PKP4: variants seen among roughly 807,000 people sequenced by gnomAD.
PKP4 encodes the protein plakophilin 4, also known as plakophilin-4.
Under a neutral mutation model 145.1 loss-of-function variants are expected in PKP4, and 90 were observed. The ratio of observed to expected loss-of-function variants is 0.62; its 90% CI spans 0.52 to 0.74. The LOEUF is 0.74. Among genes scored for constraint, PKP4 ranks in the 30% least tolerant of loss-of-function variants. The pLI is 0.00. For missense variants in PKP4, 1,340 were observed against 1,482.7 expected (o/e 0.90, Z 1.58); for synonymous variants, 563 against 577.2 (o/e 0.98, Z 0.35).
At chr2:158,622,960 A>G (rs760400401) in intron 6 of PKP4, among the ~76,000 whole-genome samples, 5 of 152,142 alleles carry the variant, frequency 3.3e-5, no homozygotes, top group Non-Finnish European at 7.4e-5. Flanking sequence ...GATCATGTAA[A>G]CACTTTTTTC....
intron 2 of PKP4, among the ~76,000 whole-genome samples, chr2:158,564,242 A>G (rs932979819): frequency 6.6e-6 from 1 of 152,044 alleles, no homozygotes; most frequent in Non-Finnish European, 1.5e-5. Context: ...AAACAAACCT[A>G]TGTAGGCTTT....
chr2:158,582,651 G>A (rs539287982), intron 3 of PKP4, among the ~76,000 whole-genome samples: 4 of 152,258 alleles, frequency 2.6e-5, no homozygotes, highest in Admixed American at 6.5e-5. Context: ...GGTTTCTCCC[G>A]TGTGTCCCCA....
intron 17 of PKP4, among the ~76,000 whole-genome samples, chr2:158,672,459 G>C (rs2057647124): frequency 6.6e-6 from 1 of 152,158 alleles, no homozygotes; most frequent in Admixed American, 6.5e-5. Context: ...GGCAGCTGTG[G>C]AATCTGCCTT....
intron 4 of PKP4, among the ~76,000 whole-genome samples, chr2:158,611,290 T>C (rs1449078296): frequency 2.0e-5 from 3 of 152,232 alleles, no homozygotes; most frequent in African/African-American, 7.2e-5. Flanking sequence ...GATTTTAACA[T>C]ACTATTCATT....
rs114770297 is a variant in PKP4 at position 158,572,359 on chromosome 2, A to C, written c.133-4912A>C. Among the ~76,000 whole-genome samples the C allele has an allele frequency of 6.1e-3, 925 of 152,358 alleles. 9 individuals carry two copies. Among genetic ancestry groups the C allele is most frequent in the Non-Finnish European group, 0.01 (696 of 68,038 alleles). On this transcript the variant is annotated intron_variant, in intron 2 of 21. Coordinates refer to ENST00000389759, the MANE Select transcript of PKP4 (RefSeq NM_003628.6). ...CTGAAAGAAACTAAACATACTAAAT[A>C]AAATATTTGAATTGTCTTTTTAAAA...
intron 11 of PKP4, among the ~76,000 whole-genome samples, chr2:158,651,587 T>C (rs2055367654): frequency 6.6e-6 from 1 of 152,060 alleles, no homozygotes; most frequent in Non-Finnish European, 1.5e-5. Flanking sequence ...ATAGTTGGCC[T>C]GAAGAGCTCT....
chr2:158,655,944 C>A (rs17230066), intron 11 of PKP4, among the ~76,000 whole-genome samples: 4 of 152,226 alleles, frequency 2.6e-5, no homozygotes, highest in African/African-American at 9.6e-5. Flanking sequence ...CTTGACCCAA[C>A]TCTGTCTTCT....
chr2:158,584,418 A>G (rs1386314722), intron 3 of PKP4, among the ~76,000 whole-genome samples: 1 of 152,222 alleles, frequency 6.6e-6, no homozygotes, highest in Non-Finnish European at 1.5e-5. Flanking sequence ...CTCGGCCAGG[A>G]GAAATACTGC....
chr2:158,489,082 C>T (rs1411468054), intron 1 of PKP4, among the ~76,000 whole-genome samples: 1 of 152,174 alleles, frequency 6.6e-6, no homozygotes, highest in East Asian at 1.9e-4. Flanking sequence ...ACATTCTCTA[C>T]ATCCAGAAAT....
rs553363143 is a variant in PKP4 at position 158,535,212 on chromosome 2, TC to T, written c.132+1898del. On this transcript the variant is annotated intron_variant, in intron 2 of 21. Coordinates refer to ENST00000389759, the MANE Select transcript of PKP4 (RefSeq NM_003628.6). ...TAAGACTCTCCTGAAATATGTCACTTCCTATCATCTACCCAATGGGATAGAG... is the reference window on the plus strand; with the variant it reads ...TAAGACTCTCCTGAAATATGTCACTTCTATCATCTACCCAATGGGATAGAG... Among the ~76,000 whole-genome samples the T allele has an allele frequency of 4.5e-4, 68 of 152,270 alleles. 1 individual carries two copies. The highest frequency in any genetic ancestry group is 1.5e-3 in the African/African-American group (61 of 41,552).
At chr2:158,513,739 A>T (rs2041713055) in intron 1 of PKP4, among the ~76,000 whole-genome samples, 1 of 152,114 alleles carries the variant, frequency 6.6e-6, no homozygotes, top group African/African-American at 2.4e-5. Flanking sequence ...CCGTCATCTT[A>T]GGCAAATTTA....
intron 1 of PKP4, among the ~76,000 whole-genome samples, chr2:158,507,582 A>T (rs1030349170): frequency 4.6e-5 from 7 of 152,176 alleles, no homozygotes; most frequent in Admixed American, 4.6e-4. Flanking sequence ...AATGGATTAC[A>T]GGTCTTGACA....
At chr2:158,672,835 T>G (rs977196259) in intron 17 of PKP4, among the ~76,000 whole-genome samples, 16 of 102,050 alleles carry the variant, frequency 1.6e-4, no homozygotes, top group African/African-American at 6.9e-4. Context: ...TCATGAGAGT[T>G]TAATTGGGAA....
At chr2:158,637,733 C>CTT in intron 9 of PKP4, among the ~76,000 whole-genome samples, 1 of 152,322 alleles carries the variant, frequency 6.6e-6, no homozygotes, top group Non-Finnish European at 1.5e-5. Flanking sequence ...GCTAAATTCA[C>CTT]TTTTATAATT....
chr2:158,475,206 C>T (rs1301837198), intron 1 of PKP4, among the ~76,000 whole-genome samples: 6 of 152,150 alleles, frequency 3.9e-5, no homozygotes, highest in Non-Finnish European at 7.4e-5. Flanking sequence ...TTCACCTTTC[C>T]ATTTGAAACG....
At chr2:158,675,437 T>A (rs577394961) in intron 19 of PKP4, among the ~76,000 whole-genome samples, 1 of 152,262 alleles carries the variant, frequency 6.6e-6, no homozygotes, top group Non-Finnish European at 1.5e-5. Context: ...CACCCCTGGA[T>A]CATTAGCACA....
chr2:158,598,566 G>A lies in PKP4; in HGVS notation c.246-4504G>A, dbSNP rs1019536439. On this transcript the variant is annotated intron_variant, in intron 3 of 21. Transcript: ENST00000389759. ...GCGGATCACGAGGTCACGAGATCGA[G>A]ACCATCCTGGCTAACACGGTGAAAC... 5.3e-5 allele frequency among the ~76,000 whole-genome samples: 8 copies of A among 152,266 alleles called. No individual in the cohort carries two copies. The East Asian group carries it at 1.5e-3, about 29-fold the overall frequency.
chr2:158,624,840 G>A, intron 6 of PKP4, 38 bp from the exon 7 acceptor site: 1 of 1,513,218 alleles, frequency 6.6e-7, no homozygotes, highest in Non-Finnish European at 8.9e-7. Flanking sequence ...ACAAAACCCT[G>A]GATAAACCCA....
At chr2:158,517,753 C>CA (rs141217565) in intron 1 of PKP4, among the ~76,000 whole-genome samples, 30,193 of 141,976 alleles carry the variant, frequency 0.21, 3,695 homozygotes, top group Middle Eastern at 0.36. Context: ...CCCGACTCTA[C>CA]AAAAAAAAAA....
Sources: gnomAD v4.1 joint callset for allele counts (sites outside exome capture counted in the v4.1 genomes callset) on GRCh38, gnomAD v4.1.1 for gene constraint, MANE v1.5 for transcripts, NCBI Gene and HGNC (gene_info 2026-07-23, HGNC 2026-07-21) for gene names.